SLCO3A1: variants seen among roughly 807,000 people sequenced by gnomAD.
SLCO3A1 encodes PGE1 transporter.
In SLCO3A1, 27 loss-of-function variants were observed where a neutral mutation model predicts 63.1. The ratio of observed to expected loss-of-function variants is 0.43; its 90% CI spans 0.32 to 0.59. The LOEUF (loss-of-function observed/expected upper bound fraction) is 0.59. Ranked by LOEUF, SLCO3A1 falls within the 20% of genes least tolerant of loss-of-function variation. The pLI is 0.09. For synonymous variants in SLCO3A1, 473 were observed against 409.9 expected, an observed-to-expected ratio of 1.15 and a Z score of -1.86; for missense variants, 773 against 945.8, an observed-to-expected ratio of 0.82 and a Z score of 2.40.
intron 2 of SLCO3A1, among the ~76,000 whole-genome samples, chr15:92,068,821 G>A (rs1396566152): frequency 2.0e-5 from 3 of 152,138 alleles, no homozygotes; most frequent in Non-Finnish European, 2.9e-5. Flanking sequence ...CACCACTCAC[G>A]CAGGCTTTGG....
intron 2 of SLCO3A1, among the ~76,000 whole-genome samples, chr15:91,940,740 C>G (rs1567196098): frequency 1.3e-5 from 2 of 152,192 alleles, no homozygotes; most frequent in African/African-American, 4.8e-5. Context: ...GCATCCTCCA[C>G]AACCCAGAGA....
chr15:91,927,768 AATG>A (rs1331823234), intron 2 of SLCO3A1, among the ~76,000 whole-genome samples: 2 of 152,174 alleles, frequency 1.3e-5, no homozygotes, highest in African/African-American at 4.8e-5. Flanking sequence ...GTGGGTTGTT[AATG>A]GAGTTTACAA....
intron 2 of SLCO3A1, among the ~76,000 whole-genome samples, chr15:92,066,287 G>A (rs560177812): frequency 6.6e-6 from 1 of 152,212 alleles, no homozygotes; most frequent in Non-Finnish European, 1.5e-5. Context: ...GTGACCCAAC[G>A]GAAAGAACCT....
At chr15:91,978,236 C>T (rs553346812) in intron 2 of SLCO3A1, among the ~76,000 whole-genome samples, 12 of 152,276 alleles carry the variant, frequency 7.9e-5, no homozygotes, top group African/African-American at 2.2e-4. Flanking sequence ...GGCCATCCTG[C>T]GGTACCCTCC....
At chr15:92,115,031 G>A (rs888363984) in intron 4 of SLCO3A1, among the ~76,000 whole-genome samples, 3 of 150,822 alleles carry the variant, frequency 2.0e-5, no homozygotes, top group Non-Finnish European at 2.9e-5. Flanking sequence ...CTTGGGAGCC[G>A]TGACAGTGGT....
At chr15:92,065,059 T>C (rs1261070687) in intron 2 of SLCO3A1, among the ~76,000 whole-genome samples, 1 of 136,672 alleles carries the variant, frequency 7.3e-6, no homozygotes, top group Non-Finnish European at 1.6e-5. Context: ...GATATACCGG[T>C]TACCCACGTT....
chr15:92,038,822 C>G (rs2046759551), intron 2 of SLCO3A1, among the ~76,000 whole-genome samples: 1 of 152,090 alleles, frequency 6.6e-6, no homozygotes, highest in Non-Finnish European at 1.5e-5. Context: ...AAGAACAAAG[C>G]TGGATAAATC....
In SLCO3A1 at chr15:91,894,711, T is replaced by C. The variant is rs1567174717; in HGVS notation, c.181-21282T>C. Among the ~76,000 whole-genome samples the C allele has an allele frequency of 6.6e-6, 1 of 152,112 alleles. No individual in the cohort carries two copies. Among genetic ancestry groups the C allele is most frequent in the Non-Finnish European group, 1.5e-5 (1 of 68,014 alleles). On this transcript the variant is annotated intron_variant, in intron 1 of 9. Transcript: ENST00000318445. This position sits in a 1 kb window ranked among gnomAD's most constrained non-coding sequence, Gnocchi z 4.8. ...TTGACTCTGTGGGTCTGGGGCAGGG[T>C]CTGAGATTTTTGAATTTCTAAAAGG...
chr15:91,930,017 A>G (rs1261701905), intron 2 of SLCO3A1, among the ~76,000 whole-genome samples: 2 of 152,030 alleles, frequency 1.3e-5, no homozygotes, highest in African/African-American at 4.8e-5. Flanking sequence ...TGTGCCATGT[A>G]TTTTCAGCCT....
At chr15:92,172,071 TCTCA>T in exon 11 of SLCO3A1, 2 of 525,842 alleles carry the variant, frequency 3.8e-6, no homozygotes, top group Non-Finnish European at 3.4e-6. Flanking sequence ...TCCAAACAGC[TCTCA>T]GAGTAGGCAT....
At chr15:91,985,388 G>T (rs1043759790) in intron 2 of SLCO3A1, among the ~76,000 whole-genome samples, 4 of 152,144 alleles carry the variant, frequency 2.6e-5, no homozygotes. Flanking sequence ...TTTGTGTAGT[G>T]TCCAGTTTGT....
In SLCO3A1 at chr15:91,971,393, T is replaced by TC. The variant is rs1900859137; in HGVS notation, c.646+54936dup. On this transcript the variant is annotated intron_variant, in intron 2 of 9. Coordinates refer to ENST00000318445, the MANE Select transcript of SLCO3A1 (RefSeq NM_013272.4). ...CTGGGTGACAGAGCGAGACTCCATC[T>TC]CAAAAAAAAAAAAAAAAGCAACCTC... 1.1e-3 allele frequency among the ~76,000 whole-genome samples: 2 copies of TC among 1,858 alleles called. 1 individual carries two copies. Among genetic ancestry groups the TC allele is most frequent in the African/African-American group, 3.4e-3 (2 of 582 alleles). 1.2% of individuals were successfully genotyped at this position (1,858 alleles called of 152,430 possible).
intron 1 of SLCO3A1, among the ~76,000 whole-genome samples, chr15:91,910,760 A>G (rs992774274): frequency 3.3e-5 from 5 of 152,188 alleles, no homozygotes; most frequent in African/African-American, 1.2e-4. Flanking sequence ...ACACATGCAC[A>G]CGCCTCTACC....
intron 2 of SLCO3A1, among the ~76,000 whole-genome samples, chr15:92,021,338 C>T (rs1180311160): frequency 6.6e-6 from 1 of 152,196 alleles, no homozygotes; most frequent in Non-Finnish European, 1.5e-5. Flanking sequence ...ATTTATCAAA[C>T]CATCTTTTAA....
chr15:92,087,789 GAT>G (rs2047424763), intron 2 of SLCO3A1, among the ~76,000 whole-genome samples: 2 of 152,152 alleles, frequency 1.3e-5, no homozygotes, highest in Non-Finnish European at 2.9e-5. Context: ...AAAGTGCTGG[GAT>G]TAGAGGTGTG....
chr15:92,032,016 T>C (rs908386839), intron 2 of SLCO3A1, among the ~76,000 whole-genome samples: 3 of 152,110 alleles, frequency 2.0e-5, no homozygotes, highest in Admixed American at 2.0e-4. Context: ...ACTCTCAGGA[T>C]TGGCATGGGG....
At chr15:91,861,658 A>G (rs1372149680) in intron 1 of SLCO3A1, among the ~76,000 whole-genome samples, 1 of 152,182 alleles carries the variant, frequency 6.6e-6, no homozygotes, top group Non-Finnish European at 1.5e-5. Context: ...ATTTTGAGAC[A>G]GGGTCTTGCT....
intron 2 of SLCO3A1, among the ~76,000 whole-genome samples, chr15:92,070,657 T>G (rs1201937560): frequency 1.9e-5 from 2 of 104,952 alleles, no homozygotes; most frequent in African/African-American, 6.8e-5. Context: ...TTTTTTTTTT[T>G]TTTTGAGACA....
intron 2 of SLCO3A1, among the ~76,000 whole-genome samples, chr15:92,053,498 T>A (rs909549310): frequency 6.6e-6 from 1 of 152,142 alleles, no homozygotes; most frequent in African/African-American, 2.4e-5. Context: ...TAATATCATC[T>A]GTTCTGTCCC....
Sources: allele counts gnomAD v4.1 joint callset (sites outside exome capture counted in the v4.1 genomes callset), GRCh38; gene constraint gnomAD v4.1.1; non-coding constraint Gnocchi (gnomAD v3.1); transcripts MANE v1.5; gene names NCBI Gene and HGNC (gene_info 2026-07-23, HGNC 2026-07-21).